The following LIMA1 variants were observed in gnomAD, a reference collection of about 807,000 sequenced individuals.
LIMA1 encodes LIM domain and actin-binding protein 1.
Under a neutral mutation model 62.6 loss-of-function variants are expected in LIMA1, and 52 were observed. That is an observed-to-expected ratio of 0.83 (90% CI 0.67 to 1.05). LIMA1 has a LOEUF of 1.05. Ranked by LOEUF, LIMA1 falls within the 50% of genes least tolerant of loss-of-function variation. LIMA1 has a pLI of 0.00. For synonymous variants in LIMA1, 302 were observed against 317.8 expected (o/e 0.95, Z 0.53); for missense variants, 780 against 902.2 (o/e 0.86, Z 1.74).
intron 8 of LIMA1, among the ~76,000 whole-genome samples, chr12:50,194,177 T>C (rs1452625529): frequency 1.3e-5 from 2 of 149,766 alleles, no homozygotes; most frequent in Non-Finnish European, 3.0e-5. Flanking sequence ...TTAATAGAGA[T>C]GGGGTTTCAC....
chr12:50,210,133 C>A (rs1941226758), intron 4 of LIMA1, among the ~76,000 whole-genome samples: 1 of 152,080 alleles, frequency 6.6e-6, no homozygotes, highest in African/African-American at 2.4e-5. Context: ...TTTTGAAAAA[C>A]CAAAAGGGGC....
At chr12:50,188,528 A>G (rs1940682195) in intron 9 of LIMA1, 1 of 152,258 alleles carries the variant, frequency 6.6e-6, no homozygotes, top group Non-Finnish European at 1.5e-5. Flanking sequence ...TACTCTGGTC[A>G]TTACACAATG....
chr12:50,180,749 G>T (rs538501595), intron 10 of LIMA1, among the ~76,000 whole-genome samples: 2 of 152,036 alleles, frequency 1.3e-5, no homozygotes, highest in African/African-American at 2.4e-5. Flanking sequence ...TTTCCCTTAA[G>T]TTACGAACCA....
At chr12:50,204,411 G>T in intron 6 of LIMA1, 141 bp downstream of exon 6, 2 of 946,268 alleles carry the variant, frequency 2.1e-6, no homozygotes, top group Non-Finnish European at 3.0e-6. Context: ...TCCAGCGAGG[G>T]TAGGGTTCAT....
At chr12:50,273,239 G>A (rs907415369) in intron 1 of LIMA1, among the ~76,000 whole-genome samples, 2 of 151,966 alleles carry the variant, frequency 1.3e-5, no homozygotes, top group African/African-American at 4.8e-5. Flanking sequence ...ACAGGCGTGA[G>A]CCACCACACC....
intron 1 of LIMA1, among the ~76,000 whole-genome samples, chr12:50,254,433 A>G (rs1192196120): frequency 2.0e-5 from 3 of 152,208 alleles, no homozygotes; most frequent in African/African-American, 7.2e-5. Flanking sequence ...ACTGAGATGC[A>G]TAAAGCTCCA....
intron 1 of LIMA1, among the ~76,000 whole-genome samples, chr12:50,255,859 C>T (rs919054604): frequency 6.6e-6 from 1 of 151,910 alleles, no homozygotes; most frequent in Non-Finnish European, 1.5e-5. Context: ...TGACTAAATT[C>T]ACATTCTTGA....
intron 1 of LIMA1, among the ~76,000 whole-genome samples, chr12:50,268,488 A>G (rs1371552540): frequency 2.6e-5 from 4 of 152,214 alleles, no homozygotes; most frequent in Non-Finnish European, 2.9e-5. Context: ...CCCCTTAAGC[A>G]TAAGCCTGAG....
intron 2 of LIMA1, among the ~76,000 whole-genome samples, chr12:50,242,816 G>A (rs1250120733): frequency 6.6e-6 from 1 of 152,146 alleles, no homozygotes; most frequent in African/African-American, 2.4e-5. Flanking sequence ...CCTGGGATCT[G>A]GGACTGGGAT....
chr12:50,222,107 CTG>C lies in LIMA1; in HGVS notation c.542_543del (p.Thr181ArgfsTer10). 1 of 1,614,202 alleles carries C rather than the reference CTG, an allele frequency of 6.2e-7. No individual in the cohort carries two copies. Among genetic ancestry groups the C allele is most frequent in the East Asian group, 2.2e-5 (1 of 44,892 alleles). ...EVEKSEISEN[T>X]DASGKIEKYN... ...TATTTCTCTATTTTGCCCGAAGCAT[CTG>C]TGTTTTCACTGATTTCTGATTTTTC... On this transcript the variant is annotated frameshift_variant, in exon 4 of 11. Transcript: ENST00000341247. LOFTEE classifies it high-confidence loss of function.
chr12:50,179,308 AT>A (rs1241942690), intron 10 of LIMA1, among the ~76,000 whole-genome samples: 1 of 151,662 alleles, frequency 6.6e-6, no homozygotes, highest in Non-Finnish European at 1.5e-5. Flanking sequence ...TGCACGGCAA[AT>A]TTTTGTATTT....
intron 1 of LIMA1, among the ~76,000 whole-genome samples, chr12:50,258,009 C>T (rs1019026691): frequency 3.9e-5 from 6 of 152,164 alleles, no homozygotes; most frequent in Middle Eastern, 3.2e-3. Context: ...GAGTTTTTGG[C>T]TTGGCTCCAG....
intron 1 of LIMA1, among the ~76,000 whole-genome samples, chr12:50,280,782 A>G (rs947131633): frequency 2.0e-5 from 3 of 152,182 alleles, no homozygotes; most frequent in Admixed American, 6.5e-5. Flanking sequence ...AAACTACTTC[A>G]TTTACAACCA....
intron 4 of LIMA1, among the ~76,000 whole-genome samples, chr12:50,211,482 TAAAA>T (rs35404088): frequency 7.3e-6 from 1 of 136,816 alleles, no homozygotes. Context: ...GTCTCTGCTT[TAAAA>T]AAAAAAAAAA....
chr12:50,260,688 C>G (rs1042953932), intron 1 of LIMA1, among the ~76,000 whole-genome samples: 4 of 152,066 alleles, frequency 2.6e-5, no homozygotes, highest in African/African-American at 7.2e-5. Flanking sequence ...GGAGAACTTA[C>G]AGGTTCTCAC....
At chr12:50,200,662 T>A (rs1308000734) in intron 7 of LIMA1, 115 bp downstream of exon 7, 16 of 1,153,228 alleles carry the variant, frequency 1.4e-5, no homozygotes, top group Non-Finnish European at 2.0e-5. Context: ...TCCTGGCAGC[T>A]GTTACCAAAT....
chr12:50,205,936 A>G (rs1941143910), intron 5 of LIMA1, 48 bp downstream of exon 5: 5 of 1,391,452 alleles, frequency 3.6e-6, no homozygotes, highest in Non-Finnish European at 5.1e-6. Context: ...TGTTACTACT[A>G]GTGAGTACTT....
chr12:50,202,738 C>A (rs1454760885), intron 6 of LIMA1, among the ~76,000 whole-genome samples: 1 of 152,132 alleles, frequency 6.6e-6, no homozygotes, highest in African/African-American at 2.4e-5. Flanking sequence ...AGAATGTATA[C>A]TTAATAATGT....
chr12:50,215,780 T>C (rs1252979812), intron 4 of LIMA1, among the ~76,000 whole-genome samples: 1 of 152,164 alleles, frequency 6.6e-6, no homozygotes, highest in Non-Finnish European at 1.5e-5. Context: ...GCCTGCTTTA[T>C]TTTTATAATA....
Sources: gnomAD v4.1 joint callset for allele counts (sites outside exome capture counted in the v4.1 genomes callset) on GRCh38, gnomAD v4.1.1 for gene constraint, MANE v1.5 for transcripts, NCBI Gene and HGNC (gene_info 2026-07-23, HGNC 2026-07-21) for gene names.